TANC2: variants seen among roughly 807,000 people sequenced by gnomAD.
The protein encoded by TANC2 is tetratricopeptide repeat, ankyrin repeat and coiled-coil containing 2.
In TANC2, 26 loss-of-function variants were observed where a neutral mutation model predicts 210.5. That is an observed-to-expected ratio of 0.12 (90% CI 0.09 to 0.17). The LOEUF is 0.17. TANC2 is among the 10% of genes least tolerant of loss of function. The probability of loss-of-function intolerance (pLI) is 1.00; values close to 1 mark genes in which losing one functional copy is unlikely to be tolerated. For missense variants in TANC2, 2,129 were observed against 2,608.9 expected (o/e 0.82, Z 4.01); for synonymous variants, 931 against 967.1 (o/e 0.96, Z 0.69).
intron 3 of TANC2, among the ~76,000 whole-genome samples, chr17:63,075,461 T>C (rs372133401): frequency 9.2e-5 from 14 of 152,214 alleles, no homozygotes; most frequent in African/African-American, 3.1e-4. Context: ...TTAGAGTTAA[T>C]TGATAGTAAA....
intron 1 of TANC2, chr17:62,968,673 T>G (rs529395864): frequency 6.6e-6 from 1 of 152,272 alleles, no homozygotes; most frequent in South Asian, 2.1e-4. Context: ...CACTGCCCCC[T>G]TGTGTAAGGG....
intron 2 of TANC2, among the ~76,000 whole-genome samples, chr17:63,035,981 C>T (rs759756811): frequency 6.6e-6 from 1 of 152,018 alleles, no homozygotes; most frequent in Non-Finnish European, 1.5e-5. Context: ...GCTTGTCTTC[C>T]GTGTATCCTG....
intron 15 of TANC2, among the ~76,000 whole-genome samples, chr17:63,386,431 C>T (rs1227106628): frequency 1.3e-5 from 2 of 152,018 alleles, no homozygotes; most frequent in South Asian, 4.1e-4. Context: ...GATAAAATAT[C>T]TGGGATTTTT....
At chr17:63,098,431 TACACACACACACACACACACAC>T (rs67245738) in intron 3 of TANC2, among the ~76,000 whole-genome samples, 2 of 93,318 alleles carry the variant, frequency 2.1e-5, no homozygotes, top group East Asian at 2.7e-4. Flanking sequence ...GGCCTTAGAC[TACACACACACACACACACACAC>T]ACACACACAC....
intron 18 of TANC2, among the ~76,000 whole-genome samples, chr17:63,397,893 G>A (rs371355555): frequency 6.6e-5 from 10 of 152,170 alleles, no homozygotes; most frequent in African/African-American, 2.4e-4. Context: ...GAATTTAACA[G>A]TCAGCTTTCA....
intron 8 of TANC2, among the ~76,000 whole-genome samples, chr17:63,239,532 C>T (rs2146069043): frequency 6.6e-6 from 1 of 152,218 alleles, no homozygotes; most frequent in Non-Finnish European, 1.5e-5. Flanking sequence ...CATCTGTCAT[C>T]AGGTGTGATT....
Position 63,418,999 on chromosome 17 carries a change from T to C in TANC2, c.4268+592T>C, listed in dbSNP as rs1307388631. The stretch of plus-strand genomic sequence containing the variant: ...TAAGAGAACACCATTCCACATTCCT[T>C]GTGCCCATCTGCTTTAGTTTGGCCA... On this transcript the variant is annotated intron_variant, in intron 27 of 27. Coordinates refer to ENST00000689528, the Ensembl canonical transcript of TANC2. This position sits in a 1 kb window ranked among gnomAD's most constrained non-coding sequence, Gnocchi z 4.6. 1.3e-5 allele frequency among the ~76,000 whole-genome samples: 2 copies of C among 152,184 alleles called. No individual in the cohort carries two copies. The highest frequency in any genetic ancestry group is 2.9e-5 in the Non-Finnish European group (2 of 68,038).
chr17:63,171,941 TC>T (rs2040418178), intron 5 of TANC2, among the ~76,000 whole-genome samples: 1 of 152,192 alleles, frequency 6.6e-6, no homozygotes, highest in Admixed American at 6.5e-5. Context: ...AAGTAAAACT[TC>T]CATTACAATG....
At chr17:63,201,208 T>C (rs2041521474) in intron 7 of TANC2, among the ~76,000 whole-genome samples, 1 of 152,138 alleles carries the variant, frequency 6.6e-6, no homozygotes, top group African/African-American at 2.4e-5. Context: ...AAAAAACTTC[T>C]GTCCACTTCT....
At chr17:63,423,624 AG>A (rs2147448070) in exon 28 of TANC2, 1 of 152,352 alleles carries the variant, frequency 6.6e-6, no homozygotes, top group Admixed American at 6.5e-5. Flanking sequence ...TAAGTAAGTA[AG>A]TAAGTGCCCT....
chr17:63,185,818 T>A (rs867428011), intron 5 of TANC2, among the ~76,000 whole-genome samples: 1 of 152,210 alleles, frequency 6.6e-6, no homozygotes, highest in Non-Finnish European at 1.5e-5. Context: ...CCTGTATAGA[T>A]CTTTTGTCTA....
intron 9 of TANC2, among the ~76,000 whole-genome samples, chr17:63,312,352 G>T (rs2045154564): frequency 6.6e-6 from 1 of 152,154 alleles, no homozygotes; most frequent in Admixed American, 6.5e-5. Context: ...AGAAAATGTG[G>T]TGCATATGCA....
At chr17:63,145,746 A>G (rs1267865508) in intron 4 of TANC2, among the ~76,000 whole-genome samples, 1 of 152,074 alleles carries the variant, frequency 6.6e-6, no homozygotes, top group Non-Finnish European at 1.5e-5. Flanking sequence ...TTTCTATTCC[A>G]TTGGTCTATA....
At chr17:63,052,196 G>A (rs1036068039) in intron 2 of TANC2, among the ~76,000 whole-genome samples, 2 of 152,126 alleles carry the variant, frequency 1.3e-5, no homozygotes, top group African/African-American at 2.4e-5. Flanking sequence ...GCCAGATGTC[G>A]TCGTATATTT....
chr17:62,994,659 A>G (rs2033025806), intron 1 of TANC2, among the ~76,000 whole-genome samples: 1 of 152,040 alleles, frequency 6.6e-6, no homozygotes, highest in African/African-American at 2.4e-5. Context: ...TATTACATTG[A>G]TTTTCATATG....
chr17:63,344,476 A>G (rs2046337108), intron 12 of TANC2, among the ~76,000 whole-genome samples: 1 of 152,196 alleles, frequency 6.6e-6, no homozygotes, highest in Non-Finnish European at 1.5e-5. Context: ...TCATCATTCC[A>G]CTGGTGGTCC....
intron 7 of TANC2, among the ~76,000 whole-genome samples, chr17:63,210,310 A>G (rs1300982443): frequency 6.6e-6 from 1 of 152,098 alleles, no homozygotes; most frequent in Non-Finnish European, 1.5e-5. Flanking sequence ...TTCTCTGTTT[A>G]TTACATTCTT....
intron 9 of TANC2, among the ~76,000 whole-genome samples, chr17:63,281,982 T>C (rs1300843734): frequency 6.6e-6 from 1 of 152,062 alleles, no homozygotes; most frequent in Admixed American, 6.6e-5. Context: ...TTTGGACTTC[T>C]AGCCTCCAGA....
At chr17:63,110,910 A>G (rs1283919514) in intron 4 of TANC2, among the ~76,000 whole-genome samples, 12 of 152,186 alleles carry the variant, frequency 7.9e-5, no homozygotes, top group African/African-American at 2.7e-4. Flanking sequence ...TGACTTTGCT[A>G]CTTATTAACT....
Sources: allele counts gnomAD v4.1 joint callset (sites outside exome capture counted in the v4.1 genomes callset), GRCh38; gene constraint gnomAD v4.1.1; non-coding constraint Gnocchi (gnomAD v3.1); transcripts MANE v1.5; gene names NCBI Gene and HGNC (gene_info 2026-07-23, HGNC 2026-07-21).